The following STARD9 variants were observed in gnomAD, a reference collection of about 807,000 sequenced individuals.
The protein encoded by STARD9 is StAR related lipid transfer domain containing 9.
A neutral mutation model predicts 399.8 loss-of-function variants in STARD9; 346 were observed. The ratio of observed to expected loss-of-function variants is 0.87; its 90% CI spans 0.79 to 0.95. The LOEUF is 0.95. STARD9 is among the 40% of genes least tolerant of loss of function. The pLI is 0.00. For missense variants in STARD9, 5,832 were observed against 5,667.5 expected (o/e 1.03, Z -0.93); for synonymous variants, 2,203 against 2,143.5 (o/e 1.03, Z -0.77).
rs2060297073 is a variant in STARD9 at position 42,675,729 on chromosome 15, C to T, written c.1753C>T (p.Leu585=). ...CAACCACCCAGCAGAGGCTGCTGTC[C>T]TGCGGCAGCGAAGGCAGGTTAGCAG... The part of the protein sequence containing the change: ...RFNHPAEAAV[L]RQRRQVGEAA... The change falls in exon 19 of 33, where the codon CTG becomes TTG. Residue 585 remains leucine, a synonymous_variant. Transcript: ENST00000290607. The T allele has an allele frequency of 1.3e-6, 2 of 1,536,994 alleles. No individual in the cohort carries two copies. Among genetic ancestry groups the T allele is most frequent in the Admixed American group, 2.0e-5 (1 of 50,982 alleles).
intron 26 of STARD9, among the ~76,000 whole-genome samples, chr15:42,701,992 CAAAA>C (rs57444195): frequency 2.2e-5 from 1 of 44,980 alleles, no homozygotes; most frequent in East Asian, 6.4e-4. Context: ...GACTCTGACT[CAAAA>C]AAAAAAAAAA....
intron 7 of STARD9, among the ~76,000 whole-genome samples, chr15:42,645,131 T>C (rs988571603): frequency 1.6e-4 from 24 of 152,248 alleles, no homozygotes; most frequent in African/African-American, 5.3e-4. Flanking sequence ...ATGTTGATAT[T>C]TTGAGCTCCT....
At chr15:42,614,873 G>A (rs2058925614) in intron 3 of STARD9, among the ~76,000 whole-genome samples, 1 of 152,100 alleles carries the variant, frequency 6.6e-6, no homozygotes, top group Non-Finnish European at 1.5e-5. Flanking sequence ...GCTGAGGCGG[G>A]AGAATCCCTT....
rs1213298522 is a variant in STARD9 at position 42,684,699 on chromosome 15, T to G, written c.3121T>G (p.Ser1041Ala). 2.0e-6 allele frequency: 3 copies of G among 1,537,124 alleles called. No homozygotes were observed. The highest frequency in any genetic ancestry group is 2.6e-6 in the Non-Finnish European group (3 of 1,146,882). Residue 1041 changes from serine (S) to alanine (A), a missense_variant, in exon 23 of 33, where the codon TCA becomes GCA. Ser to Ala is a moderately conservative substitution (Grantham distance 99, BLOSUM62 1). Transcript: ENST00000290607. ...EYKPPSPSRA[S>A]KRHQRVLATR... ...CAAACCACCTTCTCCAAGCAGGGCA[T>G]CAAAAAGGCATCAGAGGGTTCTGGC...
chr15:42,596,171 G>A (rs2058500668), intron 3 of STARD9, among the ~76,000 whole-genome samples: 1 of 152,218 alleles, frequency 6.6e-6, no homozygotes, highest in Non-Finnish European at 1.5e-5. Context: ...CCAGGCTGGA[G>A]AGAGAGGTTA....
intron 3 of STARD9, among the ~76,000 whole-genome samples, chr15:42,597,060 T>C (rs1035534156): frequency 1.4e-4 from 22 of 152,232 alleles, no homozygotes; most frequent in African/African-American, 5.1e-4. Context: ...GTTTATACTT[T>C]TGTTTTGATT....
At chr15:42,636,033 C>A (rs959232773) in intron 4 of STARD9, among the ~76,000 whole-genome samples, 1 of 152,132 alleles carries the variant, frequency 6.6e-6, no homozygotes, top group Non-Finnish European at 1.5e-5. Flanking sequence ...TAGTAGCTCA[C>A]ACCTATAATC....
chr15:42,620,726 C>CATTTTATTTTATTTTATTTTATTTT (rs1289189860), intron 3 of STARD9, among the ~76,000 whole-genome samples: 1 of 130,160 alleles, frequency 7.7e-6, no homozygotes, highest in African/African-American at 2.6e-5. Flanking sequence ...GTAGAATGTC[C>CATTTTATTTTATTTTATTTTATTTT]CTTTTATTTT....
At chr15:42,585,401 A>G (rs920290960) in intron 2 of STARD9, 120 bp from the exon 3 acceptor site, 11 of 573,806 alleles carry the variant, frequency 1.9e-5, no homozygotes, top group Middle Eastern at 2.7e-4. Flanking sequence ...CAGGAAGATA[A>G]TATAAACAGT....
chr15:42,675,956 C>G lies in STARD9; in HGVS notation c.1855C>G (p.Pro619Ala). ...CGCTGCCTCCCGGCTGGGTCTCTCC[C>G]CTTTGCTTTGGAAGGAAAGGTAAGA... The part of the protein sequence containing the change: ...DLAASRLGLS[P>A]LLWKERRALE... The change falls in exon 20 of 33, where the codon CCT becomes GCT. Residue 619 changes from proline (P) to alanine (A), a missense_variant. Pro to Ala is a conservative substitution (Grantham distance 27). Around this residue, in one of 2 missense-constraint regions of STARD9, gnomAD observed 5,828 missense variants for 5,651.1 expected, o/e 1.03. Coordinates refer to ENST00000290607, the MANE Select transcript of STARD9 (RefSeq NM_020759.3). 6.5e-7 allele frequency: 1 copy of G among 1,529,596 alleles called. No homozygotes were observed. Among genetic ancestry groups the G allele is most frequent in the African/African-American group, 1.4e-5 (1 of 72,198 alleles). The allele number at this position is 1,529,596 out of a possible 1,614,324, so 94.8% of individuals were successfully genotyped here.
At position 42,685,784 on chromosome 15, in the gene STARD9, T is replaced by C; in HGVS notation, c.4206T>C (p.Ser1402=). Reference sequence around the variant, plus strand: ...ATAGCTCCAAACTGCACCAAGGCAGTACTGAGCTCCTCTGCAGTGCAAGAG... The same window carrying C: ...ATAGCTCCAAACTGCACCAAGGCAGCACTGAGCTCCTCTGCAGTGCAAGAG... The part of the protein sequence containing the change: ...LPYSSKLHQG[S]TELLCSARDE... The change falls in exon 23 of 33, where the codon AGT becomes AGC. Residue 1402 remains serine (S), a synonymous_variant. Transcript: ENST00000290607. 6.5e-7 allele frequency: 1 copy of C among 1,537,322 alleles called. No individual in the cohort carries two copies. The highest frequency in any genetic ancestry group is 8.7e-7 in the Non-Finnish European group (1 of 1,146,958).
At chr15:42,584,010 T>C (rs1328802401) in intron 2 of STARD9, among the ~76,000 whole-genome samples, 1 of 152,002 alleles carries the variant, frequency 6.6e-6, no homozygotes, top group Non-Finnish European at 1.5e-5. Context: ...CCCCTCAGTC[T>C]CCCTTAGGGC....
Position 42,585,509 on chromosome 15 carries a change from G to C in STARD9, c.118-12G>C. 6.6e-7 allele frequency: 1 copy of C among 1,525,954 alleles called. No individual in the cohort carries two copies. Among genetic ancestry groups the C allele is most frequent in the South Asian group, 1.2e-5 (1 of 83,766 alleles). The allele number at this position is 1,525,954 out of a possible 1,614,324, so 94.5% of individuals were successfully genotyped here. The stretch of plus-strand genomic sequence containing the variant: ...TGATAGAAAAGACACTGGATCCTAT[G>C]TTTGATTTTAGGTGGACAATCGACC... On this transcript the variant is annotated splice_polypyrimidine_tract_variant and intron_variant, in intron 2 of 32. Transcript: ENST00000290607.
At chr15:42,588,962 G>A (rs2058342256) in intron 3 of STARD9, among the ~76,000 whole-genome samples, 1 of 151,498 alleles carries the variant, frequency 6.6e-6, no homozygotes, top group Non-Finnish European at 1.5e-5. Context: ...CTACAAGCGT[G>A]TGCCACCATG....
intron 26 of STARD9, among the ~76,000 whole-genome samples, chr15:42,700,294 C>A (rs1361954010): frequency 6.6e-6 from 1 of 152,130 alleles, no homozygotes; most frequent in Admixed American, 6.6e-5. Context: ...TGGCTATATA[C>A]CTAGTGGTGG....
intron 3 of STARD9, among the ~76,000 whole-genome samples, chr15:42,616,733 T>C (rs1423642499): frequency 6.6e-6 from 1 of 151,420 alleles, no homozygotes; most frequent in Non-Finnish European, 1.5e-5. Flanking sequence ...CTACTAAAAA[T>C]ACAAAAAATT....
At chr15:42,615,929 A>G (rs2058954669) in intron 3 of STARD9, among the ~76,000 whole-genome samples, 1 of 152,216 alleles carries the variant, frequency 6.6e-6, no homozygotes, top group Admixed American at 6.5e-5. Context: ...AATAAAACAA[A>G]GACCACAAAA....
rs1170267977 is a variant in STARD9 at position 42,688,817 on chromosome 15, C to A, written c.7239C>A (p.Ser2413=). The A allele has an allele frequency of 2.6e-6, 4 of 1,537,246 alleles. No individual in the cohort carries two copies. The Admixed American group carries it at 7.8e-5, about 30-fold the overall frequency. Residue 2413 remains serine, a synonymous_variant, in exon 23 of 33, where the codon TCC becomes TCA. Transcript: ENST00000290607. ...AHTAWCGSVR[S]MAMGSHSQSG... Reference sequence around the variant, plus strand: ...CTGCCTGGTGTGGGTCTGTGCGATCCATGGCCATGGGATCTCATAGTCAAT... The same window carrying A: ...CTGCCTGGTGTGGGTCTGTGCGATCAATGGCCATGGGATCTCATAGTCAAT...
chr15:42,600,862 C>CTTTTTTTTTTTT (rs58223128), intron 3 of STARD9, among the ~76,000 whole-genome samples: 1 of 128,118 alleles, frequency 7.8e-6, no homozygotes, highest in Non-Finnish European at 1.7e-5. Flanking sequence ...GTTTTTCTTT[C>CTTTTTTTTTTTT]TTTTTTTTTT....
Sources: allele counts gnomAD v4.1 joint callset (sites outside exome capture counted in the v4.1 genomes callset), GRCh38; gene constraint gnomAD v4.1.1; regional missense constraint gnomAD v4.1.1; transcripts MANE v1.5; gene names NCBI Gene and HGNC (gene_info 2026-07-23, HGNC 2026-07-21).